NPLOC4: variants seen among roughly 807,000 people sequenced by gnomAD.
The protein encoded by NPLOC4 is NPL4 homolog, ubiquitin recognition factor, also known as nuclear protein localization protein 4 homolog.
In NPLOC4, 18 loss-of-function variants were observed where a neutral mutation model predicts 80.6. The ratio of observed to expected loss-of-function variants is 0.22; its 90% CI spans 0.15 to 0.33. The LOEUF (loss-of-function observed/expected upper bound fraction) is 0.33. NPLOC4 is among the 10% of genes least tolerant of loss of function. NPLOC4 has a pLI of 1.00. For synonymous variants in NPLOC4, 313 were observed against 301.5 expected (o/e 1.04, Z -0.39); for missense variants, 540 against 786.1 (o/e 0.69, Z 3.74).
In NPLOC4 at chr17:81,580,573, CCT is replaced by C. The variant is rs1459779467; in HGVS notation, c.1281+8369_1281+8370del. ...TCTCTGTGTGGGGAACAGGCTGCTGCCTCTGTCTGAACAATCTCCTCCAGACA... is the reference window on the plus strand; with the variant it reads ...TCTCTGTGTGGGGAACAGGCTGCTGCCTGTCTGAACAATCTCCTCCAGACA... On this transcript the variant is annotated intron_variant, in intron 12 of 16. Coordinates refer to ENST00000331134, the MANE Select transcript of NPLOC4 (RefSeq NM_017921.4). This position sits in a 1 kb window ranked among gnomAD's most constrained non-coding sequence, Gnocchi z 4.4. Among the ~76,000 whole-genome samples the C allele has an allele frequency of 6.6e-6, 1 of 152,128 alleles. No individual in the cohort carries two copies. The highest frequency in any genetic ancestry group is 2.4e-5 in the African/African-American group (1 of 41,424).
At chr17:81,613,230 T>C (rs2035391101) in intron 4 of NPLOC4, 88 bp downstream of exon 4, 2 of 1,208,130 alleles carry the variant, frequency 1.7e-6, no homozygotes, top group South Asian at 3.7e-5. Flanking sequence ...CAGATACTTA[T>C]TAAAACAAGA....
intron 9 of NPLOC4, among the ~76,000 whole-genome samples, chr17:81,599,148 G>T (rs1364304728): frequency 6.6e-6 from 1 of 152,096 alleles, no homozygotes; most frequent in African/African-American, 2.4e-5. Context: ...AATTAACTGG[G>T]CGTTGTGGCG....
At chr17:81,627,935 CA>C (rs1454880924) in intron 2 of NPLOC4, among the ~76,000 whole-genome samples, 1 of 151,598 alleles carries the variant, frequency 6.6e-6, no homozygotes, top group Non-Finnish European at 1.5e-5. Flanking sequence ...GACTCCATCT[CA>C]AAAAAAGAAA....
chr17:81,563,572 A>G (rs1334821758), intron 16 of NPLOC4: 1 of 213,330 alleles, frequency 4.7e-6, no homozygotes, highest in Non-Finnish European at 9.6e-6. Context: ...CCTGTCTCTA[A>G]AAGGGAAACA....
chr17:81,611,335 TA>T (rs1428257028), intron 4 of NPLOC4, among the ~76,000 whole-genome samples: 1 of 151,426 alleles, frequency 6.6e-6, no homozygotes, highest in Admixed American at 6.6e-5. Context: ...AATAAATAAA[TA>T]AAATAGTTTT....
chr17:81,629,039 CG>C (rs1035677578), intron 2 of NPLOC4, among the ~76,000 whole-genome samples: 2 of 151,928 alleles, frequency 1.3e-5, no homozygotes, highest in African/African-American at 2.4e-5. Flanking sequence ...CCACCACACC[CG>C]GCTAATTTTT....
chr17:81,614,940 C>T (rs766099522), intron 3 of NPLOC4, among the ~76,000 whole-genome samples: 9 of 152,166 alleles, frequency 5.9e-5, no homozygotes, highest in East Asian at 1.9e-4. Context: ...TAAACCAACA[C>T]GGTGAAGGAA....
At chr17:81,608,937 C>T (rs2035274480) in intron 5 of NPLOC4, 115 bp from the exon 6 acceptor site, 1 of 709,572 alleles carries the variant, frequency 1.4e-6, no homozygotes, top group Admixed American at 2.4e-5. Context: ...AGTCAAGGCC[C>T]ACAGTGAAAG....
intron 2 of NPLOC4, among the ~76,000 whole-genome samples, chr17:81,625,714 G>C (rs1238866734): frequency 6.6e-6 from 1 of 151,898 alleles, no homozygotes; most frequent in East Asian, 1.9e-4. Context: ...CTGAGCGACA[G>C]AGTGAGAATC....
At chr17:81,588,835 A>G in intron 12 of NPLOC4, 109 bp downstream of exon 12, 1 of 928,610 alleles carries the variant, frequency 1.1e-6, no homozygotes, top group Non-Finnish European at 1.6e-6. Flanking sequence ...GGGTTCAACC[A>G]CAGCTGACAA....
At chr17:81,576,651 C>T (rs761786952) in intron 12 of NPLOC4, among the ~76,000 whole-genome samples, 1 of 112,222 alleles carries the variant, frequency 8.9e-6, no homozygotes, top group Non-Finnish European at 1.9e-5. Context: ...GAAAACCTGG[C>T]GTGTGTTTGC....
intron 12 of NPLOC4, among the ~76,000 whole-genome samples, chr17:81,576,525 G>A (rs1259526552): frequency 6.6e-6 from 1 of 152,168 alleles, no homozygotes. Context: ...TGTGTCAACT[G>A]AGGGGCAATT....
chr17:81,619,960 G>A (rs1228187897), intron 3 of NPLOC4, among the ~76,000 whole-genome samples: 5 of 152,034 alleles, frequency 3.3e-5, no homozygotes, highest in Non-Finnish European at 5.9e-5. Context: ...TCTGTTTACC[G>A]CTTTGCATCG....
chr17:81,594,395 T>C (rs1235837877), intron 11 of NPLOC4, among the ~76,000 whole-genome samples: 3 of 150,720 alleles, frequency 2.0e-5, no homozygotes, highest in Non-Finnish European at 4.4e-5. Flanking sequence ...CCTCAAAAAG[T>C]ATATTCATTT....
In NPLOC4 at chr17:81,558,741, C is replaced by T. The variant is rs1481274489; in HGVS notation, c.*518G>A. ...TGCAGAGGGGAGCCGTGTCCAGGGC[C>T]ACTGCGTCCCCACCAGACAACAGCT... On this transcript the variant is annotated 3_prime_UTR_variant, in exon 17 of 17. Transcript: ENST00000331134. 1 of 152,578 alleles carries T rather than the reference C, an allele frequency of 6.6e-6. No individual in the cohort carries two copies. The highest frequency in any genetic ancestry group is 1.5e-5 in the Non-Finnish European group (1 of 68,368). The allele number at this position is 152,578 out of a possible 1,614,324, so 9.5% of individuals were successfully genotyped here.
rs371360326 is a variant in NPLOC4, at chr17:81,613,349, C to G, written c.355G>C (p.Gly119Arg). The stretch of plus-strand genomic sequence containing the variant: ...GGGTCTCGGCTTCTGTAAATCTTCC[C>G]GTCCTGTTTGCTGAGGTACTGATCA... ...EIDQYLSKQD[G>R]KIYRSRDPQL... Residue 119 changes from glycine (G) to arginine (R), a missense_variant, in exon 4 of 17, where the codon GGG becomes CGG. Physicochemically the swap from Gly to Arg is moderately radical, Grantham distance 125. This residue lies in a region of NPLOC4 where 74 missense variants were observed against 75.7 expected (regional missense o/e 0.98). Coordinates refer to ENST00000331134, the MANE Select transcript of NPLOC4 (RefSeq NM_017921.4). The G allele has an allele frequency of 1.2e-6, 2 of 1,613,798 alleles. No homozygotes were observed. Among genetic ancestry groups the G allele is most frequent in the East Asian group, 2.2e-5 (1 of 44,870 alleles).
Position 81,592,943 on chromosome 17 carries a change from A to C in NPLOC4, c.1120+3173T>G, listed in dbSNP as rs138010515. Reference sequence around the variant, plus strand: ...AGTTGCAGTGAGCCAAGATTGTGCCATGGCACTCCAGCCTGGGTGACAGAA... The same window carrying C: ...AGTTGCAGTGAGCCAAGATTGTGCCCTGGCACTCCAGCCTGGGTGACAGAA... On this transcript the variant is annotated intron_variant, in intron 11 of 16. Coordinates refer to ENST00000331134, the MANE Select transcript of NPLOC4 (RefSeq NM_017921.4). 2.2e-4 allele frequency among the ~76,000 whole-genome samples: 34 copies of C among 152,332 alleles called. No individual in the cohort carries two copies. In the East Asian group the frequency reaches 6.2e-3, roughly 28 times the overall value.
chr17:81,616,523 G>A (rs1245309312), intron 3 of NPLOC4, among the ~76,000 whole-genome samples: 3 of 151,786 alleles, frequency 2.0e-5, no homozygotes, highest in African/African-American at 7.3e-5. Flanking sequence ...GAGGTCAGGA[G>A]ATTGAGACGA....
chr17:81,572,078 T>A lies in NPLOC4; in HGVS notation c.1292A>T (p.Lys431Met). ...CAGCTGGGTGATCTCGTTGCCAAAC[T>A]TGTCTACGTCCTGCAATAGTCAGAG... The part of the protein sequence containing the change: ...VPDVFYKDVD[K>M]FGNEITQLAR... Residue 431 changes from lysine (K) to methionine (M), a missense_variant, in exon 13 of 17, where the codon AAG becomes ATG. Lys to Met is a moderately conservative substitution (Grantham distance 95). Coordinates refer to ENST00000331134, the MANE Select transcript of NPLOC4 (RefSeq NM_017921.4). This position sits in a 1 kb window ranked among gnomAD's most constrained non-coding sequence, Gnocchi z 4.5. 6.2e-7 allele frequency: 1 copy of A among 1,608,738 alleles called. No individual in the cohort carries two copies. The highest frequency in any genetic ancestry group is 8.5e-7 in the Non-Finnish European group (1 of 1,176,916).
Sources: gnomAD v4.1 joint callset for allele counts (sites outside exome capture counted in the v4.1 genomes callset) on GRCh38, gnomAD v4.1.1 for gene constraint, gnomAD v4.1.1 regional missense constraint, Gnocchi (gnomAD v3.1) non-coding constraint, MANE v1.5 for transcripts, NCBI Gene and HGNC (gene_info 2026-07-23, HGNC 2026-07-21) for gene names.